The following HS6ST3 variants were observed in gnomAD, a reference collection of about 807,000 sequenced individuals.
HS6ST3 encodes the protein heparan sulfate 6-O-sulfotransferase 3.
Under a neutral mutation model 36.7 loss-of-function variants are expected in HS6ST3, and 12 were observed. The observed-to-expected ratio is 0.33, with a 90% CI of 0.21 to 0.53. The LOEUF is 0.53. Among genes scored for constraint, HS6ST3 ranks in the 20% least tolerant of loss-of-function variants. The probability of loss-of-function intolerance (pLI) is 0.95; values close to 1 mark genes in which losing one functional copy is unlikely to be tolerated. For missense variants in HS6ST3, 584 were observed against 640.9 expected, an observed-to-expected ratio of 0.91 and a Z score of 0.96; for synonymous variants, 240 against 257.5, an observed-to-expected ratio of 0.93 and a Z score of 0.65.
At chr13:96,621,848 C>T (rs746716101) in intron 1 of HS6ST3, among the ~76,000 whole-genome samples, 4 of 152,052 alleles carry the variant, frequency 2.6e-5, no homozygotes, top group East Asian at 1.9e-4. Context: ...ACCATTGCAA[C>T]GAGGGAGATC....
At chr13:96,736,607 T>G (rs2138481179) in intron 1 of HS6ST3, among the ~76,000 whole-genome samples, 1 of 152,264 alleles carries the variant, frequency 6.6e-6, no homozygotes, top group African/African-American at 2.4e-5. Context: ...TTAATTCATG[T>G]AAGTGTGTGT....
intron 1 of HS6ST3, among the ~76,000 whole-genome samples, chr13:96,411,378 C>T (rs756206728): frequency 5.9e-5 from 9 of 152,152 alleles, no homozygotes; most frequent in Non-Finnish European, 1.2e-4. Context: ...TTGGGGCTTA[C>T]ATAGGCTGAA....
chr13:96,676,524 G>A (rs112204606), intron 1 of HS6ST3, among the ~76,000 whole-genome samples: 1 of 152,044 alleles, frequency 6.6e-6, no homozygotes, highest in Non-Finnish European at 1.5e-5. Context: ...TGAATTATTC[G>A]AGATATGAGC....
chr13:96,258,405 A>C (rs1037679187), intron 1 of HS6ST3, among the ~76,000 whole-genome samples: 1 of 152,212 alleles, frequency 6.6e-6, no homozygotes, highest in Non-Finnish European at 1.5e-5. Flanking sequence ...AACATTAGAA[A>C]AACACAAAGA....
At chr13:96,817,106 C>G (rs568629987) in intron 1 of HS6ST3, among the ~76,000 whole-genome samples, 1 of 152,182 alleles carries the variant, frequency 6.6e-6, no homozygotes, top group African/African-American at 2.4e-5. Context: ...TAATGGCTGT[C>G]GCAACTTCCC....
intron 1 of HS6ST3, among the ~76,000 whole-genome samples, chr13:96,506,613 G>A (rs2056027713): frequency 1.3e-5 from 2 of 152,130 alleles, no homozygotes; most frequent in South Asian, 4.1e-4. Context: ...TGCAATCAGT[G>A]AATGGAGAGA....
rs71213623 is a variant in HS6ST3 at position 96,658,268 on chromosome 13, C to CTTTTTTTTTTTTTTTTTTTTTT, written c.708-174213_708-174192dup. 1.1e-3 allele frequency among the ~76,000 whole-genome samples: 84 copies of CTTTTTTTTTTTTTTTTTTTTTT among 76,156 alleles called. 7 individuals are homozygous for CTTTTTTTTTTTTTTTTTTTTTT. The highest frequency in any genetic ancestry group is 3.1e-3 in the East Asian group (6 of 1,942). The allele number at this position is 76,156 out of a possible 152,430, so 50.0% of individuals were successfully genotyped here. ...TTCTTCTTCTTCTTCTCTTCTTCTT[C>CTTTTTTTTTTTTTTTTTTTTTT]TTTTTTTTTTTTTTTTTTTTTTTTT... On this transcript the variant is annotated intron_variant, in intron 1 of 1. Coordinates refer to ENST00000376705, the MANE Select transcript of HS6ST3 (RefSeq NM_153456.4).
Position 96,836,081 on chromosome 13 carries a change from A to G in HS6ST3, c.*2883A>G, listed in dbSNP as rs551188640. 4.6e-5 allele frequency: 7 copies of G among 152,354 alleles called. No individual in the cohort carries two copies. Among genetic ancestry groups the G allele is most frequent in the African/African-American group, 1.7e-4 (7 of 41,578 alleles). The allele number at this position is 152,354 out of a possible 1,614,324, so 9.4% of individuals were successfully genotyped here. The stretch of plus-strand genomic sequence containing the variant: ...CCCACTTCCATGCTGAGTGATGCTC[A>G]GGGAAGTGATGCCCGCAGAAGGCGT... On this transcript the variant is annotated 3_prime_UTR_variant, in exon 2 of 2. Coordinates refer to ENST00000376705, the MANE Select transcript of HS6ST3 (RefSeq NM_153456.4).
At chr13:96,680,586 C>T (rs2056715025) in intron 1 of HS6ST3, among the ~76,000 whole-genome samples, 4 of 152,216 alleles carry the variant, frequency 2.6e-5, no homozygotes, top group East Asian at 1.9e-4. Context: ...AGTGTACTAG[C>T]ACACCTGAGG....
At chr13:96,298,022 T>G (rs893964832) in intron 1 of HS6ST3, among the ~76,000 whole-genome samples, 6 of 152,162 alleles carry the variant, frequency 3.9e-5, no homozygotes, top group African/African-American at 1.4e-4. Flanking sequence ...AATAAAAATT[T>G]CTTAAGAAAA....
rs77406562 is a variant in HS6ST3, at chr13:96,647,318, A to G, written c.708-185172A>G. Among the ~76,000 whole-genome samples the G allele has an allele frequency of 7.5e-3, 1,145 of 152,202 alleles. 93 individuals are homozygous for G. The East Asian group carries it at 0.19, about 25-fold the overall frequency. On this transcript the variant is annotated intron_variant, in intron 1 of 1. Transcript: ENST00000376705. ...CTAAATAGAACTTTAAAAAAGTGAT[A>G]TCACATGTCTGGTTATCCACAACGT... is the stretch of plus-strand genomic sequence containing the variant.
At chr13:96,758,060 A>G (rs1416332447) in intron 1 of HS6ST3, among the ~76,000 whole-genome samples, 1 of 152,062 alleles carries the variant, frequency 6.6e-6, no homozygotes, top group Non-Finnish European at 1.5e-5. Flanking sequence ...AATCTACCTG[A>G]GACAGAAGTT....
intron 1 of HS6ST3, among the ~76,000 whole-genome samples, chr13:96,734,888 T>G (rs955882072): frequency 4.6e-5 from 7 of 152,142 alleles, no homozygotes; most frequent in Non-Finnish European, 7.4e-5. Context: ...GGGTATTTTT[T>G]TTTTCAGTTG....
In HS6ST3 at chr13:96,090,880, C is replaced by A; in HGVS notation, c.18C>A (p.Asn6Lys). The stretch of plus-strand genomic sequence containing the variant: ...GCGGGACCATGGATGAAAGGTTCAA[C>A]AAGTGGCTGCTGACGCCGGTGCTCA... MDERF[N>K]KWLLTPVLTL... is the part of the protein sequence containing the mutation. The change falls in exon 1 of 2, where the codon AAC becomes AAA. Residue 6 changes from asparagine (N) to lysine (K), a missense_variant. Transcript: ENST00000376705. 1 of 1,512,926 alleles carries A rather than the reference C, an allele frequency of 6.6e-7. No homozygotes were observed. Among genetic ancestry groups the A allele is most frequent in the Non-Finnish European group, 8.9e-7 (1 of 1,125,368 alleles). The allele number at this position is 1,512,926 out of a possible 1,614,324, so 93.7% of individuals were successfully genotyped here.
intron 1 of HS6ST3, among the ~76,000 whole-genome samples, chr13:96,368,350 A>G (rs1470231309): frequency 1.3e-5 from 2 of 152,148 alleles, no homozygotes; most frequent in Non-Finnish European, 2.9e-5. Flanking sequence ...GTGTCATAGC[A>G]TGTTGTATAT....
At chr13:96,352,551 A>G (rs1291493026) in intron 1 of HS6ST3, among the ~76,000 whole-genome samples, 4 of 152,184 alleles carry the variant, frequency 2.6e-5, no homozygotes, top group African/African-American at 4.8e-5. Context: ...TTTGAATGCC[A>G]CACATAATCA....
At chr13:96,765,235 G>A (rs1254571411) in intron 1 of HS6ST3, among the ~76,000 whole-genome samples, 1 of 151,920 alleles carries the variant, frequency 6.6e-6, no homozygotes, top group Admixed American at 6.6e-5. Context: ...ACCGCGCCTG[G>A]CTAATTTTTT....
intron 1 of HS6ST3, among the ~76,000 whole-genome samples, chr13:96,494,398 G>T (rs1333374631): frequency 1.6e-5 from 2 of 125,196 alleles, no homozygotes. Context: ...GTTGTGGGGT[G>T]GGGGGAGGGG....
intron 1 of HS6ST3, among the ~76,000 whole-genome samples, chr13:96,451,389 C>G (rs544708041): frequency 6.6e-6 from 1 of 152,228 alleles, no homozygotes; most frequent in South Asian, 2.1e-4. Flanking sequence ...AAGGCATAGT[C>G]ATGTTATCCA....
Sources: gnomAD v4.1 joint callset for allele counts (sites outside exome capture counted in the v4.1 genomes callset) on GRCh38, gnomAD v4.1.1 for gene constraint, MANE v1.5 for transcripts, NCBI Gene and HGNC (gene_info 2026-07-23, HGNC 2026-07-21) for gene names.